LIMS1: variants seen among roughly 807,000 people sequenced by gnomAD.
The protein encoded by LIMS1 is LIM and senescent cell antigen-like-containing domain protein 1.
LIMS1 carries 18 observed loss-of-function variants against 44.1 expected under a neutral mutation model. The ratio of observed to expected loss-of-function variants is 0.41; its 90% confidence interval spans 0.28 to 0.61. The LOEUF is 0.61. Ranked by LOEUF, LIMS1 falls within the 20% of genes least tolerant of loss-of-function variation. The pLI is 0.32. For missense variants in LIMS1, 201 were observed against 422.0 expected (o/e 0.48, Z 4.59); for synonymous variants, 93 against 149.1 (o/e 0.62, Z 2.74).
intron 1 of LIMS1, among the ~76,000 whole-genome samples, chr2:108,546,659 CCTGT>C (rs953980830): frequency 1.4e-5 from 2 of 147,494 alleles, no homozygotes; most frequent in African/African-American, 2.5e-5. Flanking sequence ...CTCTAGCGAG[CCTGT>C]CTAATTTGAG....
chr2:108,553,626 C>G (rs139770572), intron 1 of LIMS1, among the ~76,000 whole-genome samples: 3 of 152,262 alleles, frequency 2.0e-5, no homozygotes, highest in African/African-American at 7.2e-5. Context: ...CCTTGCTTTG[C>G]AAAACACTCT....
intron 1 of LIMS1, among the ~76,000 whole-genome samples, chr2:108,564,139 C>T (rs992292241): frequency 6.6e-6 from 1 of 152,016 alleles, no homozygotes; most frequent in Non-Finnish European, 1.5e-5. Context: ...TCAGCAGCCA[C>T]CATCCTGATC....
At chr2:108,583,653 A>C (rs548144459) in intron 1 of LIMS1, among the ~76,000 whole-genome samples, 1 of 151,664 alleles carries the variant, frequency 6.6e-6, no homozygotes, top group South Asian at 2.1e-4. Context: ...GTCCATTCAG[A>C]ATAGTCTGTG....
At chr2:108,576,383 A>G (rs1232483198) in intron 1 of LIMS1, among the ~76,000 whole-genome samples, 1 of 152,046 alleles carries the variant, frequency 6.6e-6, no homozygotes, top group Non-Finnish European at 1.5e-5. Flanking sequence ...AATTACAGGC[A>G]TGCACCTCAT....
intron 1 of LIMS1, among the ~76,000 whole-genome samples, chr2:108,576,306 T>C (rs1420973213): frequency 6.6e-6 from 1 of 152,190 alleles, no homozygotes; most frequent in Non-Finnish European, 1.5e-5. Flanking sequence ...ACAGGGTCTG[T>C]ATTGCCCAGG....
In LIMS1 at chr2:108,628,622, C is replaced by A. The variant is rs201267107; in HGVS notation, c.33-30983C>A. On this transcript the variant is annotated intron_variant, in intron 1 of 9. Transcript: ENST00000544547. Reference sequence around the variant, plus strand: ...AGCTGGAATTACAGGCGCACCACCACGCCCAGCTAATTTTTGTATTTTTAG... The same window carrying A: ...AGCTGGAATTACAGGCGCACCACCAAGCCCAGCTAATTTTTGTATTTTTAG... Among the ~76,000 whole-genome samples, 7 of 152,286 alleles carry A rather than the reference C, an allele frequency of 4.6e-5. No individual in the cohort carries two copies. The East Asian group carries it at 1.4e-3, about 29-fold the overall frequency.
chr2:108,543,746 T>C (rs1252045674), intron 1 of LIMS1, among the ~76,000 whole-genome samples: 2 of 152,202 alleles, frequency 1.3e-5, no homozygotes, highest in Admixed American at 6.5e-5. Context: ...GACATATAGC[T>C]TAGAAGGTAT....
intron 1 of LIMS1, among the ~76,000 whole-genome samples, chr2:108,578,311 T>G (rs906539145): frequency 2.6e-5 from 4 of 152,250 alleles, no homozygotes; most frequent in African/African-American, 9.6e-5. Context: ...AAGAGCTTAT[T>G]AGCATGTGTA....
chr2:108,620,487 T>C (rs1688175044), intron 1 of LIMS1, among the ~76,000 whole-genome samples: 1 of 152,098 alleles, frequency 6.6e-6, no homozygotes, highest in Non-Finnish European at 1.5e-5. Flanking sequence ...TTGAGCTGGA[T>C]GACGAAGGAC....
chr2:108,555,595 A>G (rs1200869417), intron 1 of LIMS1, among the ~76,000 whole-genome samples: 1 of 152,222 alleles, frequency 6.6e-6, no homozygotes, highest in African/African-American at 2.4e-5. Flanking sequence ...TGAAAGGCCT[A>G]CATTCTCAGG....
intron 1 of LIMS1, among the ~76,000 whole-genome samples, chr2:108,650,252 A>T (rs1690372621): frequency 6.6e-6 from 1 of 152,176 alleles, no homozygotes. Context: ...CTGAATATAA[A>T]AGTTGAGCTA....
exon 10 of LIMS1, chr2:108,686,100 G>T (rs1319922543): frequency 6.6e-6 from 1 of 152,176 alleles, no homozygotes; most frequent in African/African-American, 2.4e-5. Flanking sequence ...GTCGAGGCAG[G>T]TGGATCACGA....
intron 1 of LIMS1, among the ~76,000 whole-genome samples, chr2:108,561,221 A>C (rs1050814100): frequency 1.3e-5 from 2 of 152,212 alleles, no homozygotes; most frequent in Admixed American, 6.5e-5. Flanking sequence ...ACTAATTTCC[A>C]TTCCCACCAG....
chr2:108,583,180 G>T (rs188574760), intron 1 of LIMS1, among the ~76,000 whole-genome samples: 2 of 149,736 alleles, frequency 1.3e-5, no homozygotes, highest in Admixed American at 1.3e-4. Context: ...TTACAGGCGC[G>T]CACCACCACG....
intron 1 of LIMS1, 132 bp downstream of exon 1, chr2:108,534,726 G>T: frequency 2.9e-6 from 1 of 343,378 alleles, no homozygotes; most frequent in Non-Finnish European, 4.1e-6. Context: ...GTCGGCCGGA[G>T]CCCCGACCCC....
At chr2:108,579,314 G>A (rs1156506237) in intron 1 of LIMS1, among the ~76,000 whole-genome samples, 1 of 152,104 alleles carries the variant, frequency 6.6e-6, no homozygotes. Flanking sequence ...ATAGTAAGTG[G>A]CATGATTAAG....
chr2:108,540,134 C>A (rs866485119), intron 1 of LIMS1, among the ~76,000 whole-genome samples: 2 of 136,364 alleles, frequency 1.5e-5, no homozygotes. Flanking sequence ...TGAAGTGGAA[C>A]AAATGATGTT....
Position 108,601,965 on chromosome 2 carries a change from TATTC to T in LIMS1, c.33-57638_33-57635del, listed in dbSNP as rs1553458146. On this transcript the variant is annotated intron_variant, in intron 1 of 9. Coordinates refer to ENST00000544547, the Ensembl canonical transcript of LIMS1. ...AATGTCTTTCCATTTTTTGGTGTTCTATTCAATTTTCTTTATCAGTGTTTTATAG... is the reference window on the plus strand; with the variant it reads ...AATGTCTTTCCATTTTTTGGTGTTCTAATTTTCTTTATCAGTGTTTTATAG... Among the ~76,000 whole-genome samples, 3 of 56,566 alleles carry T rather than the reference TATTC, an allele frequency of 5.3e-5. No homozygotes were observed. In the Admixed American group the frequency reaches 8.6e-4, roughly 16 times the overall value. The allele number at this position is 56,566 out of a possible 152,430, so 37.1% of individuals were successfully genotyped here. A position where few individuals can be genotyped will look rare whatever the true frequency, so the allele number is the denominator to read the frequency against.
intron 1 of LIMS1, among the ~76,000 whole-genome samples, chr2:108,616,125 T>A (rs1163129543): frequency 6.6e-6 from 1 of 151,870 alleles, no homozygotes; most frequent in Non-Finnish European, 1.5e-5. Context: ...AATTGAAGAC[T>A]GTTGATGGCC....
Sources: allele counts gnomAD v4.1 joint callset (sites outside exome capture counted in the v4.1 genomes callset), GRCh38; gene constraint gnomAD v4.1.1; transcripts MANE v1.5; gene names NCBI Gene and HGNC (gene_info 2026-07-23, HGNC 2026-07-21).